Variants in TSHZ2 observed in about 807,000 individuals in gnomAD.
TSHZ2 encodes teashirt homolog 2.
Under a neutral mutation model 74.4 loss-of-function variants are expected in TSHZ2, and 21 were observed. The ratio of observed to expected loss-of-function variants is 0.28; its 90% CI spans 0.20 to 0.41. The LOEUF (loss-of-function observed/expected upper bound fraction) is 0.41, where lower values mean the gene tolerates loss of function less well. TSHZ2 is among the 10% of genes least tolerant of loss of function. The probability of loss-of-function intolerance (pLI) is 1.00; values close to 1 mark genes in which losing one functional copy is unlikely to be tolerated. For synonymous variants in TSHZ2, 540 were observed against 515.3 expected (o/e 1.05, Z -0.65); for missense variants, 1,244 against 1,293.5 (o/e 0.96, Z 0.59).
At chr20:53,073,964 G>A (rs1985287958) in intron 1 of TSHZ2, among the ~76,000 whole-genome samples, 1 of 152,152 alleles carries the variant, frequency 6.6e-6, no homozygotes, top group South Asian at 2.1e-4. Flanking sequence ...CATACTTTGG[G>A]ATGCCTGGTG....
chr20:53,096,129 T>TTTTG (rs760418874), intron 1 of TSHZ2, among the ~76,000 whole-genome samples: 45 of 152,184 alleles, frequency 3.0e-4, no homozygotes, highest in African/African-American at 9.1e-4. Flanking sequence ...CCTCTGTGTT[T>TTTTG]TTTGTTTGTC....
intron 1 of TSHZ2, among the ~76,000 whole-genome samples, chr20:53,109,337 A>G (rs1021691049): frequency 1.3e-5 from 2 of 152,086 alleles, no homozygotes; most frequent in Admixed American, 1.3e-4. Flanking sequence ...TCAATCACCT[A>G]TCATCTGTCT....
rs76358873 is a variant in TSHZ2 at position 53,290,359 on chromosome 20, G to C, written c.*8+33788G>C. ...TGGATTCATGATCATCCAAACCTTA[G>C]CTTACATCTATCACTAATTTAAAAA... is the stretch of plus-strand genomic sequence containing the variant. On this transcript the variant is annotated intron_variant, in intron 2 of 2. Transcript: ENST00000371497. Among the ~76,000 whole-genome samples the C allele has an allele frequency of 2.0e-5, 3 of 151,972 alleles. No homozygotes were observed. In the East Asian group the frequency reaches 5.8e-4, roughly 29 times the overall value.
chr20:53,292,084 T>G (rs1408764362), intron 2 of TSHZ2, among the ~76,000 whole-genome samples: 1 of 152,094 alleles, frequency 6.6e-6, no homozygotes, highest in African/African-American at 2.4e-5. Flanking sequence ...TATGGAACAT[T>G]TAGTGTCTGG....
chr20:53,288,188 G>C (rs1326113538), intron 2 of TSHZ2, among the ~76,000 whole-genome samples: 22 of 152,122 alleles, frequency 1.4e-4, no homozygotes, highest in Non-Finnish European at 5.9e-5. Context: ...CAGATCACTT[G>C]AGGTCAGGAG....
intron 1 of TSHZ2, among the ~76,000 whole-genome samples, chr20:53,186,204 C>T (rs748029167): frequency 2.0e-5 from 3 of 152,190 alleles, no homozygotes; most frequent in Non-Finnish European, 4.4e-5. Context: ...CCATCTCCTT[C>T]AGTGGCTCCT....
chr20:53,111,585 C>T (rs546474066), intron 1 of TSHZ2, among the ~76,000 whole-genome samples: 1 of 152,308 alleles, frequency 6.6e-6, no homozygotes, highest in Admixed American at 6.5e-5. Context: ...GAGAGGACAT[C>T]AAAGTGTAAT....
intron 1 of TSHZ2, among the ~76,000 whole-genome samples, chr20:53,225,877 G>A (rs1276483848): frequency 1.3e-5 from 2 of 151,874 alleles, no homozygotes; most frequent in East Asian, 1.9e-4. Flanking sequence ...AGAGGGAATC[G>A]GTTTAAATAT....
intron 1 of TSHZ2, among the ~76,000 whole-genome samples, chr20:53,218,378 C>T (rs1444984648): frequency 2.0e-5 from 3 of 152,344 alleles, no homozygotes; most frequent in South Asian, 2.1e-4. Context: ...CAAATGAATT[C>T]GGCTTGCCGA....
chr20:53,210,483 A>G (rs1428988852), intron 1 of TSHZ2, among the ~76,000 whole-genome samples: 1 of 151,376 alleles, frequency 6.6e-6, no homozygotes, highest in Non-Finnish European at 1.5e-5. Flanking sequence ...GCTGAACTCA[A>G]CTCCAACCGT....
At chr20:53,212,839 T>C (rs942796644) in intron 1 of TSHZ2, among the ~76,000 whole-genome samples, 17 of 152,186 alleles carry the variant, frequency 1.1e-4, no homozygotes, top group Non-Finnish European at 2.2e-4. Context: ...TTTTTCAGAA[T>C]TGGCTCAGGA....
intron 1 of TSHZ2, among the ~76,000 whole-genome samples, chr20:53,098,307 CTA>C (rs1986116923): frequency 2.0e-5 from 3 of 152,314 alleles, no homozygotes; most frequent in African/African-American, 7.2e-5. Context: ...AAAACAATGT[CTA>C]TGTCTGGGGT....
chr20:53,116,289 G>C (rs535068372), intron 1 of TSHZ2, among the ~76,000 whole-genome samples: 1 of 152,222 alleles, frequency 6.6e-6, no homozygotes, highest in East Asian at 1.9e-4. Context: ...GTGTTTGACT[G>C]TGTAGCTCAT....
intron 2 of TSHZ2, among the ~76,000 whole-genome samples, chr20:53,343,157 G>A (rs1180804820): frequency 1.3e-5 from 2 of 151,532 alleles, no homozygotes; most frequent in Admixed American, 6.6e-5. Context: ...AGTAGAGATG[G>A]GGTTTCACTT....
At chr20:53,093,310 C>G (rs1336765866) in intron 1 of TSHZ2, among the ~76,000 whole-genome samples, 1 of 152,200 alleles carries the variant, frequency 6.6e-6, no homozygotes, top group Admixed American at 6.5e-5. Flanking sequence ...GGGTTGGAAG[C>G]CCTGCTCCAC....
intron 1 of TSHZ2, among the ~76,000 whole-genome samples, chr20:53,027,604 G>A (rs905126544): frequency 6.6e-6 from 1 of 152,070 alleles, no homozygotes; most frequent in South Asian, 2.1e-4. Flanking sequence ...AAATAGTTCT[G>A]TTTGGCTGGA....
chr20:53,494,674 T>G lies in TSHZ2; in HGVS notation c.*7539T>G, dbSNP rs952571948. The G allele has an allele frequency of 6.6e-6, 1 of 151,700 alleles. No individual in the cohort carries two copies. Among genetic ancestry groups the G allele is most frequent in the Non-Finnish European group, 1.5e-5 (1 of 67,960 alleles). The allele number at this position is 151,700 out of a possible 1,614,324, so 9.4% of individuals were successfully genotyped here. On this transcript the variant is annotated 3_prime_UTR_variant, in exon 3 of 3. Coordinates refer to ENST00000371497, the MANE Select transcript of TSHZ2 (RefSeq NM_173485.6). ...AGGAAAATCATTCTACTTTGAGAACTGTAATTAAAGCCCTAAATAACAGAC... is the reference window on the plus strand; with the variant it reads ...AGGAAAATCATTCTACTTTGAGAACGGTAATTAAAGCCCTAAATAACAGAC...
intron 1 of TSHZ2, among the ~76,000 whole-genome samples, chr20:53,055,861 C>T (rs1984623610): frequency 6.6e-6 from 1 of 152,136 alleles, no homozygotes; most frequent in Non-Finnish European, 1.5e-5. Flanking sequence ...TATTTGTTTA[C>T]CTCCTGTCCA....
At chr20:53,068,535 T>C (rs76923898) in intron 1 of TSHZ2, among the ~76,000 whole-genome samples, 3,814 of 152,230 alleles carry the variant, frequency 0.025, 152 homozygotes, top group African/African-American at 0.082. Context: ...CCGAGTCTAG[T>C]TGCTTTGCCA....
Sources: gnomAD v4.1 joint callset for allele counts (sites outside exome capture counted in the v4.1 genomes callset) on GRCh38, gnomAD v4.1.1 for gene constraint, MANE v1.5 for transcripts, NCBI Gene and HGNC (gene_info 2026-07-23, HGNC 2026-07-21) for gene names.